The following SLC14A2 variants were observed in gnomAD, a reference collection of about 807,000 sequenced individuals.
The protein encoded by SLC14A2 is urea transporter 2.
A neutral mutation model predicts 104.6 loss-of-function variants in SLC14A2; 91 were observed. The ratio of observed to expected loss-of-function variants is 0.87; its 90% CI spans 0.73 to 1.04. SLC14A2 has a LOEUF of 1.04. SLC14A2 is among the 50% of genes least tolerant of loss of function. The probability of loss-of-function intolerance (pLI) is 0.00; values close to 1 mark genes in which losing one functional copy is unlikely to be tolerated. For synonymous variants in SLC14A2, 476 were observed against 466.4 expected (o/e 1.02, Z -0.27); for missense variants, 1,189 against 1,156.0 (o/e 1.03, Z -0.41).
chr18:45,640,982 C>T (rs1188161105), intron 7 of SLC14A2, among the ~76,000 whole-genome samples: 1 of 152,224 alleles, frequency 6.6e-6, no homozygotes, highest in Admixed American at 6.5e-5. Flanking sequence ...AGGAGGACCT[C>T]CAAGTGAAGC....
chr18:45,350,823 TAAAG>T (rs796486888), intron 1 of SLC14A2, among the ~76,000 whole-genome samples: 13 of 150,750 alleles, frequency 8.6e-5, no homozygotes, highest in African/African-American at 2.9e-4. Flanking sequence ...AGCACCATAA[TAAAG>T]AAGACAATAG....
At chr18:45,584,516 T>C (rs779803410) in intron 2 of SLC14A2, among the ~76,000 whole-genome samples, 11 of 152,230 alleles carry the variant, frequency 7.2e-5, no homozygotes, top group Non-Finnish European at 1.5e-4. Context: ...CTTCTAGGAC[T>C]GCTCCTTCCA....
chr18:45,676,591 T>A (rs1235592304), intron 18 of SLC14A2, among the ~76,000 whole-genome samples: 1 of 152,200 alleles, frequency 6.6e-6, no homozygotes, highest in South Asian at 2.1e-4. Context: ...GTGTCATACC[T>A]GAGGCTGGGG....
At chr18:45,190,047 G>C in the SLC14A2 span, among the ~76,000 whole-genome samples, 3 of 152,156 alleles carry the variant, frequency 2.0e-5, no homozygotes, top group African/African-American at 7.2e-5. Context: ...CAGGACACAG[G>C]TCTGTAAGCA....
intron 15 of SLC14A2, 48 bp from the exon 16 acceptor site, chr18:45,669,258 A>T (rs746909697): frequency 6.6e-7 from 1 of 1,516,452 alleles, no homozygotes; most frequent in Non-Finnish European, 9.0e-7. Flanking sequence ...GTCTAGTGTT[A>T]TGACCAGGCG....
At chr18:45,551,910 C>G (rs1223114946) in intron 2 of SLC14A2, among the ~76,000 whole-genome samples, 1 of 152,178 alleles carries the variant, frequency 6.6e-6, no homozygotes, top group Non-Finnish European at 1.5e-5. Flanking sequence ...TGATCCTCAG[C>G]TGATATTGCC....
intron 1 of SLC14A2, among the ~76,000 whole-genome samples, chr18:45,235,877 A>G (rs1375028412): frequency 2.9e-4 from 37 of 127,316 alleles, no homozygotes; most frequent in Non-Finnish European, 3.3e-4. Flanking sequence ...GTATATATGT[A>G]TATATACATA....
chr18:45,343,419 C>A (rs2085417139), intron 1 of SLC14A2, among the ~76,000 whole-genome samples: 1 of 152,058 alleles, frequency 6.6e-6, no homozygotes, highest in South Asian at 2.1e-4. Context: ...CCATGACAGT[C>A]TCTTTCTCTC....
chr18:45,444,002 C>T (rs905990458), intron 1 of SLC14A2, among the ~76,000 whole-genome samples: 2 of 152,040 alleles, frequency 1.3e-5, no homozygotes, highest in South Asian at 4.1e-4. Flanking sequence ...GAGAGTGGGT[C>T]CCTGGAAAAA....
chr18:45,458,271 G>A (rs1015226175), intron 1 of SLC14A2, among the ~76,000 whole-genome samples: 9 of 152,158 alleles, frequency 5.9e-5, no homozygotes, highest in African/African-American at 1.7e-4. Flanking sequence ...AAAGCATCTC[G>A]TAAGTCCTGG....
chr18:45,339,090 C>T (rs1568158235), intron 1 of SLC14A2, among the ~76,000 whole-genome samples: 1 of 152,148 alleles, frequency 6.6e-6, no homozygotes, highest in Non-Finnish European at 1.5e-5. Flanking sequence ...GTGTGTGCCA[C>T]CATGTTGGGC....
At chr18:45,403,759 G>GATGAATGAATGA (rs57905800) in intron 1 of SLC14A2, among the ~76,000 whole-genome samples, 29,119 of 135,058 alleles carry the variant, frequency 0.22, 2,858 homozygotes, top group East Asian at 0.29. Context: ...TTTAATCAGT[G>GATGAATGAATGA]ATGAATGAAT....
intron 1 of SLC14A2, among the ~76,000 whole-genome samples, chr18:45,236,460 T>G (rs2084249779): frequency 1.6e-5 from 1 of 63,468 alleles, no homozygotes; most frequent in Non-Finnish European, 2.8e-5. Context: ...TGTGTATATA[T>G]GTGTATATAT....
At chr18:45,192,247 T>C in the SLC14A2 span, among the ~76,000 whole-genome samples, 11 of 152,208 alleles carry the variant, frequency 7.2e-5, no homozygotes, top group Admixed American at 7.2e-4. Flanking sequence ...AAATATTATT[T>C]TTCAGTTTTA....
chr18:45,539,871 A>G (rs1372050815), intron 2 of SLC14A2, among the ~76,000 whole-genome samples: 3 of 151,654 alleles, frequency 2.0e-5, no homozygotes, highest in African/African-American at 7.3e-5. Flanking sequence ...AAGCCATGAC[A>G]GAAAGAAAAA....
intron 1 of SLC14A2, among the ~76,000 whole-genome samples, chr18:45,407,164 T>C (rs2086164582): frequency 6.6e-6 from 1 of 152,230 alleles, no homozygotes; most frequent in African/African-American, 2.4e-5. Context: ...AAATCTGTTG[T>C]TTAGTGTATC....
chr18:45,190,338 C>T, the SLC14A2 span, among the ~76,000 whole-genome samples: 5 of 152,130 alleles, frequency 3.3e-5, no homozygotes, highest in Admixed American at 6.6e-5. Flanking sequence ...AGTATTGGCA[C>T]TTTGTGTTTA....
intron 10 of SLC14A2, among the ~76,000 whole-genome samples, chr18:45,653,201 G>A (rs578111521): frequency 1.1e-4 from 16 of 151,700 alleles, no homozygotes; most frequent in African/African-American, 3.9e-4. Context: ...CCATGCAGGC[G>A]ACCGACCTCC....
intron 14 of SLC14A2, 131 bp from the exon 15 acceptor site, chr18:45,668,218 C>A: frequency 1.6e-6 from 2 of 1,290,222 alleles, no homozygotes; most frequent in Non-Finnish European, 2.2e-6. Context: ...CTTCCTTCCC[C>A]ACTCCCAGAA....
Sources: allele counts gnomAD v4.1 joint callset (sites outside exome capture counted in the v4.1 genomes callset), GRCh38; gene constraint gnomAD v4.1.1; transcripts MANE v1.5; gene names NCBI Gene and HGNC (gene_info 2026-07-23, HGNC 2026-07-21).